The following PRTG variants were observed in gnomAD, a reference collection of about 807,000 sequenced individuals.
PRTG encodes immunoglobulin superfamily, DCC subclass, member 5.
Under a neutral mutation model 122.5 loss-of-function variants are expected in PRTG, and 67 were observed. That is an observed-to-expected ratio of 0.55 (90% CI 0.45 to 0.67). The LOEUF (loss-of-function observed/expected upper bound fraction) is 0.67, where lower values mean the gene tolerates loss of function less well. Ranked by LOEUF, PRTG falls within the 30% of genes least tolerant of loss-of-function variation. PRTG has a pLI of 0.00. For missense variants in PRTG, 1,435 were observed against 1,415.4 expected, an observed-to-expected ratio of 1.01 and a Z score of -0.22; for synonymous variants, 554 against 501.1, an observed-to-expected ratio of 1.11 and a Z score of -1.41.
rs1324393501 is a variant in PRTG, at chr15:55,613,070, T to C, written c.*6942A>G. On this transcript the variant is annotated 3_prime_UTR_variant, in exon 20 of 20. Transcript: ENST00000389286. ...CTCTTAAGTTTTCAAAGTACTATTG[T>C]TTCATTTTGCACAAAAAAATTATCC... 2.6e-5 allele frequency: 4 copies of C among 152,050 alleles called. No individual in the cohort carries two copies. The highest frequency in any genetic ancestry group is 7.2e-5 in the African/African-American group (3 of 41,408). The allele number at this position is 152,050 out of a possible 1,614,324, so 9.4% of individuals were successfully genotyped here.
intron 11 of PRTG, among the ~76,000 whole-genome samples, chr15:55,662,814 T>A (rs1287562536): frequency 6.6e-6 from 1 of 152,230 alleles, no homozygotes; most frequent in Non-Finnish European, 1.5e-5. Context: ...CTGACTAGTT[T>A]CTTCTGCTGA....
At chr15:55,727,403 G>C (rs2141878021) in intron 2 of PRTG, among the ~76,000 whole-genome samples, 2 of 152,120 alleles carry the variant, frequency 1.3e-5, no homozygotes, top group East Asian at 3.9e-4. Flanking sequence ...TAGATGAAAT[G>C]GACAAATTCC....
chr15:55,684,724 G>A (rs895778779), intron 2 of PRTG, among the ~76,000 whole-genome samples: 3 of 151,998 alleles, frequency 2.0e-5, no homozygotes, highest in East Asian at 1.9e-4. Flanking sequence ...AGAGTCTAGC[G>A]ATATCTTAAA....
chr15:55,662,836 C>A lies in PRTG; in HGVS notation c.2041+9609G>T, dbSNP rs577507082. On this transcript the variant is annotated intron_variant, in intron 11 of 19. Coordinates refer to ENST00000389286, the MANE Select transcript of PRTG (RefSeq NM_173814.6). ...GTTTCTTCTGCTGAAGTCTGATAAT[C>A]TCTTTCAAAGTAGCTAAGCCAGAGA... 3.9e-5 allele frequency among the ~76,000 whole-genome samples: 6 copies of A among 152,308 alleles called. 1 individual carries two copies. The highest frequency in any genetic ancestry group is 3.9e-4 in the Admixed American group (6 of 15,294).
At chr15:55,668,484 G>GT (rs1328739485) in intron 11 of PRTG, among the ~76,000 whole-genome samples, 1 of 152,118 alleles carries the variant, frequency 6.6e-6, no homozygotes, top group Non-Finnish European at 1.5e-5. Context: ...TTTTGCTTTA[G>GT]TTTATTGTGA....
At chr15:55,682,887 A>G (rs11852298) in intron 3 of PRTG, among the ~76,000 whole-genome samples, 25,629 of 152,106 alleles carry the variant, frequency 0.17, 2,844 homozygotes, top group East Asian at 0.4. Context: ...TATTTAACAT[A>G]TTCTGTGATA....
chr15:55,620,188 T>C lies in PRTG; in HGVS notation c.3277A>G (p.Ser1093Gly), dbSNP rs757584374. ...AAGCTGGTTGTCTGACCTGGGGAGC[T>C]AGGGGAGTCTTCATCACTGATTAAT... ...TVLISDEDSPSSPGQTTSFSR... is the reference protein window; with the variant it reads ...TVLISDEDSPGSPGQTTSFSR... Residue 1093 changes from serine (S) to glycine (G), a missense_variant, in exon 20 of 20, where the codon AGC becomes GGC. Physicochemically the swap from Ser to Gly is moderately conservative, Grantham distance 56 (BLOSUM62 0). Coordinates refer to ENST00000389286, the MANE Select transcript of PRTG (RefSeq NM_173814.6). 1.1e-5 allele frequency: 18 copies of C among 1,614,052 alleles called. No individual in the cohort carries two copies. Among genetic ancestry groups the C allele is most frequent in the Non-Finnish European group, 1.5e-5 (18 of 1,180,028 alleles).
intron 18 of PRTG, among the ~76,000 whole-genome samples, chr15:55,621,688 A>G (rs2059167259): frequency 6.6e-6 from 1 of 152,184 alleles, no homozygotes. Context: ...CAAAACAGGT[A>G]GTACAACATA....
chr15:55,743,073 G>A lies in PRTG; in HGVS notation c.-142C>T. 7.7e-7 allele frequency: 1 copy of A among 1,294,240 alleles called. No individual in the cohort carries two copies. Among genetic ancestry groups the A allele is most frequent in the Non-Finnish European group, 9.7e-7 (1 of 1,025,884 alleles). 80.2% of individuals were successfully genotyped at this position (1,294,240 alleles called of 1,614,324 possible). A position where few individuals can be genotyped will look rare whatever the true frequency, so the allele number is the denominator to read the frequency against. On this transcript the variant is annotated 5_prime_UTR_variant, in exon 1 of 20. In the 5' UTR this introduces an upstream ATG that the reference lacks. Coordinates refer to ENST00000389286, the MANE Select transcript of PRTG (RefSeq NM_173814.6). ...CGGCTCCGGCACCGGCGTGGCGAGC[G>A]TCTCTGCGGCGGCGAGGCTGGTGCT...
chr15:55,702,792 A>G (rs1025595432), intron 2 of PRTG: 1 of 367,538 alleles, frequency 2.7e-6, no homozygotes, highest in Non-Finnish European at 3.8e-6. Context: ...AGCATTACAC[A>G]CACATGTGCA....
At position 55,618,238 on chromosome 15, in the gene PRTG, T is replaced by C. The variant is rs1293136305; in HGVS notation, c.*1774A>G. ...GCACAAAATTACAGATTTAAAAAAA[T>C]TAAAAATGTTATATCTACAGTCATT... On this transcript the variant is annotated 3_prime_UTR_variant, in exon 20 of 20. Transcript: ENST00000389286. 1 of 152,166 alleles carries C rather than the reference T, an allele frequency of 6.6e-6. No individual in the cohort carries two copies. Among genetic ancestry groups the C allele is most frequent in the Non-Finnish European group, 1.5e-5 (1 of 68,026 alleles). The allele number at this position is 152,166 out of a possible 1,614,324, so 9.4% of individuals were successfully genotyped here. A position where few individuals can be genotyped will look rare whatever the true frequency, so the allele number is the denominator to read the frequency against.
chr15:55,629,965 C>T (rs985237925), intron 15 of PRTG, among the ~76,000 whole-genome samples: 2 of 151,196 alleles, frequency 1.3e-5, no homozygotes, highest in Admixed American at 1.3e-4. Flanking sequence ...CTACAGGCAC[C>T]CACCACCACA....
intron 3 of PRTG, among the ~76,000 whole-genome samples, chr15:55,683,157 T>C (rs1181358807): frequency 6.6e-6 from 1 of 152,106 alleles, no homozygotes; most frequent in African/African-American, 2.4e-5. Context: ...TTAATATCCA[T>C]ATATTGTCCA....
At chr15:55,681,634 T>C (rs964108346) in intron 4 of PRTG, among the ~76,000 whole-genome samples, 2 of 152,188 alleles carry the variant, frequency 1.3e-5, no homozygotes, top group African/African-American at 2.4e-5. Context: ...TTGTTTAATA[T>C]AGAAGCTTTA....
chr15:55,637,755 G>A (rs1244202284), intron 14 of PRTG, among the ~76,000 whole-genome samples: 4 of 151,946 alleles, frequency 2.6e-5, no homozygotes, highest in Admixed American at 6.6e-5. Flanking sequence ...AAATGCTCCT[G>A]ACATTAAAAC....
rs562195921 is a variant in PRTG at position 55,741,823 on chromosome 15, G to A, written c.94+1015C>T. Among the ~76,000 whole-genome samples, 17 of 152,338 alleles carry A rather than the reference G, an allele frequency of 1.1e-4. 1 individual carries two copies. In the South Asian group the frequency reaches 3.5e-3, roughly 32 times the overall value. ...CCACCCTAACAGCCCAGCGCTGTGC[G>A]CGGACCACTCCGGAAGGCGCCCATT... On this transcript the variant is annotated intron_variant, in intron 1 of 19. Transcript: ENST00000389286.
At chr15:55,737,197 T>C (rs28485308) in intron 2 of PRTG, among the ~76,000 whole-genome samples, 20,871 of 152,236 alleles carry the variant, frequency 0.14, 1,847 homozygotes, top group East Asian at 0.35. Context: ...TTCTTGCTAT[T>C]GTACACAGCT....
rs746284197 is a variant in PRTG, at chr15:55,620,028, G to A, written c.3437C>T (p.Thr1146Ile). ...EIHLSSVIST[T>I]PPNL ...GTGAAAGAATCAGAGGTTGGGGGGTGTGGTACTTATAACTGAGGACAGATG... is the reference window on the plus strand; with the variant it reads ...GTGAAAGAATCAGAGGTTGGGGGGTATGGTACTTATAACTGAGGACAGATG... Residue 1146 changes from threonine (T) to isoleucine (I), a missense_variant, in exon 20 of 20, where the codon ACA (threonine) becomes ATA (isoleucine). Physicochemically the swap from Thr to Ile is moderately conservative, Grantham distance 89 (BLOSUM62 -1). Transcript: ENST00000389286. The A allele has an allele frequency of 1.2e-6, 2 of 1,614,176 alleles. No individual in the cohort carries two copies. Among genetic ancestry groups the A allele is most frequent in the South Asian group, 1.1e-5 (1 of 91,082 alleles).
chr15:55,707,562 A>T (rs540682231), intron 2 of PRTG, among the ~76,000 whole-genome samples: 4 of 152,370 alleles, frequency 2.6e-5, no homozygotes, highest in Non-Finnish European at 5.9e-5. Context: ...TCAAAAGAAT[A>T]AAAGAAGAGA....
Sources: allele counts gnomAD v4.1 joint callset (sites outside exome capture counted in the v4.1 genomes callset), GRCh38; gene constraint gnomAD v4.1.1; transcripts MANE v1.5; gene names NCBI Gene and HGNC (gene_info 2026-07-23, HGNC 2026-07-21).